The following RAB3C variants were observed in gnomAD, a reference collection of about 807,000 sequenced individuals.
RAB3C encodes the protein RAB3C, member RAS oncogene family, also known as ras-related protein Rab-3C.
A neutral mutation model predicts 26.4 loss-of-function variants in RAB3C; 17 were observed. That is an observed-to-expected ratio of 0.64 (90% CI 0.44 to 0.97). The LOEUF is 0.97. RAB3C is among the 50% of genes least tolerant of loss of function. The pLI is 0.00. For missense variants in RAB3C, 242 were observed against 281.9 expected, an observed-to-expected ratio of 0.86 and a Z score of 1.01; for synonymous variants, 91 against 95.9, an observed-to-expected ratio of 0.95 and a Z score of 0.30.
chr5:58,705,859 A>G (rs568370139), intron 2 of RAB3C, among the ~76,000 whole-genome samples: 2 of 152,132 alleles, frequency 1.3e-5, no homozygotes, highest in Non-Finnish European at 2.9e-5. Context: ...TAATGTGCTT[A>G]TGCCTGGAGT....
intron 2 of RAB3C, among the ~76,000 whole-genome samples, chr5:58,710,776 T>C (rs1037836735): frequency 5.3e-5 from 8 of 152,162 alleles, no homozygotes; most frequent in African/African-American, 9.7e-5. Flanking sequence ...CAGCCAGCTA[T>C]GTGCTCGCTC....
At chr5:58,649,441 G>T (rs1747596507) in intron 2 of RAB3C, among the ~76,000 whole-genome samples, 1 of 151,826 alleles carries the variant, frequency 6.6e-6, no homozygotes, top group Non-Finnish European at 1.5e-5. Context: ...CCTGATGATT[G>T]GTACCTTCCT....
At position 58,709,077 on chromosome 5, in the gene RAB3C, A is replaced by G. The variant is rs150858124; in HGVS notation, c.253-16925A>G. On this transcript the variant is annotated intron_variant, in intron 2 of 4. Transcript: ENST00000282878. Reference sequence around the variant, plus strand: ...ACTCTTATTTTCTGTTGATCTGGAAATAATATGGTTGGTTCATGTGTAATA... The same window carrying G: ...ACTCTTATTTTCTGTTGATCTGGAAGTAATATGGTTGGTTCATGTGTAATA... Among the ~76,000 whole-genome samples the G allele has an allele frequency of 1.4e-3, 216 of 152,302 alleles. 1 individual carries two copies. The highest frequency in any genetic ancestry group is 4.9e-3 in the African/African-American group (203 of 41,572).
intron 2 of RAB3C, among the ~76,000 whole-genome samples, chr5:58,631,130 A>G (rs904255665): frequency 6.6e-6 from 1 of 152,210 alleles, no homozygotes; most frequent in African/African-American, 2.4e-5. Context: ...ATTTTCAACA[A>G]TATGGCAACA....
chr5:58,814,984 C>T (rs1229508608), intron 3 of RAB3C, among the ~76,000 whole-genome samples: 1 of 152,138 alleles, frequency 6.6e-6, no homozygotes, highest in Admixed American at 6.5e-5. Context: ...TACTGGCTCT[C>T]TGCAACAGAC....
intron 2 of RAB3C, among the ~76,000 whole-genome samples, chr5:58,717,027 G>T (rs1224570921): frequency 6.6e-6 from 1 of 152,058 alleles, no homozygotes; most frequent in Non-Finnish European, 1.5e-5. Flanking sequence ...TCGGGTGGGG[G>T]ATGTTGATAG....
At chr5:58,753,820 A>G (rs1741586690) in intron 3 of RAB3C, among the ~76,000 whole-genome samples, 1 of 152,220 alleles carries the variant, frequency 6.6e-6, no homozygotes, top group African/African-American at 2.4e-5. Flanking sequence ...CAGACGGGAC[A>G]GTTGTATACA....
intron 2 of RAB3C, among the ~76,000 whole-genome samples, chr5:58,635,447 TAAATTA>T (rs1405085354): frequency 6.6e-6 from 1 of 152,166 alleles, no homozygotes; most frequent in Non-Finnish European, 1.5e-5. Context: ...AAACCCTTTT[TAAATTA>T]AAGGGTGTCA....
chr5:58,703,735 C>A (rs959386229), intron 2 of RAB3C, among the ~76,000 whole-genome samples: 4 of 152,144 alleles, frequency 2.6e-5, no homozygotes, highest in African/African-American at 9.7e-5. Context: ...TGTCTTTAAT[C>A]ATGGAGCCCA....
intron 3 of RAB3C, among the ~76,000 whole-genome samples, chr5:58,793,926 T>G (rs553712864): frequency 1.3e-5 from 2 of 152,354 alleles, no homozygotes; most frequent in South Asian, 4.1e-4. Flanking sequence ...TTATTTTATC[T>G]TGGAGATCAC....
chr5:58,656,140 A>G (rs1747768299), intron 2 of RAB3C, among the ~76,000 whole-genome samples: 1 of 152,298 alleles, frequency 6.6e-6, no homozygotes, highest in African/African-American at 2.4e-5. Context: ...GAGACTTAGA[A>G]AGGCTAAAAT....
intron 2 of RAB3C, among the ~76,000 whole-genome samples, chr5:58,665,212 T>C (rs1747979082): frequency 6.6e-6 from 1 of 151,660 alleles, no homozygotes. Flanking sequence ...GTGTAAAATT[T>C]AATGCACAAA....
At chr5:58,695,900 T>G (rs1748687671) in intron 2 of RAB3C, among the ~76,000 whole-genome samples, 1 of 152,236 alleles carries the variant, frequency 6.6e-6, no homozygotes, top group South Asian at 2.1e-4. Flanking sequence ...ATTTCCTAAT[T>G]GAATACCCTT....
intron 3 of RAB3C, among the ~76,000 whole-genome samples, chr5:58,772,370 A>T (rs548690714): frequency 6.6e-6 from 1 of 152,152 alleles, no homozygotes; most frequent in Non-Finnish European, 1.5e-5. Flanking sequence ...CATTTGTGAG[A>T]TTATTGTTCT....
intron 3 of RAB3C, chr5:58,814,575 A>G (rs1278852225): frequency 1.3e-5 from 2 of 152,146 alleles, no homozygotes; most frequent in East Asian, 1.9e-4. Context: ...AATTTGAGAG[A>G]AGGATATTTA....
chr5:58,706,795 T>C (rs979011310), intron 2 of RAB3C, among the ~76,000 whole-genome samples: 2 of 152,236 alleles, frequency 1.3e-5, no homozygotes, highest in Non-Finnish European at 2.9e-5. Flanking sequence ...TACTCACCAA[T>C]TTCTAATGCA....
chr5:58,805,617 A>AG (rs1561136375), intron 3 of RAB3C, among the ~76,000 whole-genome samples: 8 of 149,374 alleles, frequency 5.4e-5, no homozygotes, highest in Middle Eastern at 3.5e-3. Flanking sequence ...GAGAGAGAGA[A>AG]AAAAAGAAAA....
intron 3 of RAB3C, among the ~76,000 whole-genome samples, chr5:58,746,374 C>T (rs566307692): frequency 4.7e-4 from 72 of 152,278 alleles, no homozygotes; most frequent in African/African-American, 1.7e-3. Context: ...CAACAAAGAA[C>T]ATCACTCAGG....
intron 2 of RAB3C, among the ~76,000 whole-genome samples, chr5:58,679,741 T>C (rs552044004): frequency 4.6e-5 from 7 of 152,348 alleles, no homozygotes; most frequent in Non-Finnish European, 8.8e-5. Context: ...GGTTATTTGA[T>C]TCAAAAATCT....
Sources: gnomAD v4.1 joint callset for allele counts (sites outside exome capture counted in the v4.1 genomes callset) on GRCh38, gnomAD v4.1.1 for gene constraint, MANE v1.5 for transcripts, NCBI Gene and HGNC (gene_info 2026-07-23, HGNC 2026-07-21) for gene names.